CRX: variants seen among roughly 807,000 people sequenced by gnomAD.
CRX encodes the protein cone-rod homeobox protein.
In CRX, 5 loss-of-function variants were observed where a neutral mutation model predicts 13.1. That is an observed-to-expected ratio of 0.38 (90% CI 0.20 to 0.80). The LOEUF is 0.80. Among genes scored for constraint, CRX ranks in the 30% least tolerant of loss-of-function variants. The probability of loss-of-function intolerance (pLI) is 0.43; values close to 1 mark genes in which losing one functional copy is unlikely to be tolerated. For missense variants in CRX, 351 were observed against 391.8 expected (o/e 0.90, Z 0.88); for synonymous variants, 179 against 171.1 (o/e 1.05, Z -0.36).
At chr19:47,827,879 C>T (rs1265558140) in intron 1 of CRX, among the ~76,000 whole-genome samples, 11 of 105,654 alleles carry the variant, frequency 1.0e-4, no homozygotes, top group Admixed American at 6.0e-4. Context: ...AAAGGCAGGG[C>T]GTGGTGGCTC....
chr19:47,837,938 G>A (rs944134250), intron 3 of CRX, among the ~76,000 whole-genome samples: 5 of 146,010 alleles, frequency 3.4e-5, no homozygotes, highest in Non-Finnish European at 7.8e-5. Flanking sequence ...TATGGTGTAT[G>A]TATGTATAAT....
At chr19:47,838,455 TG>T (rs1182576296) in intron 3 of CRX, among the ~76,000 whole-genome samples, 1 of 152,156 alleles carries the variant, frequency 6.6e-6, no homozygotes, top group Admixed American at 6.5e-5. Flanking sequence ...GTACAATGTA[TG>T]TATGTATAAT....
At chr19:47,827,270 C>T (rs1967984553) in intron 1 of CRX, among the ~76,000 whole-genome samples, 1 of 152,122 alleles carries the variant, frequency 6.6e-6, no homozygotes, top group African/African-American at 2.4e-5. Context: ...TTCTGCTTTT[C>T]TCCATGATCA....
intron 1 of CRX, among the ~76,000 whole-genome samples, chr19:47,823,328 G>C (rs1034965279): frequency 2.6e-5 from 4 of 152,220 alleles, no homozygotes; most frequent in African/African-American, 7.2e-5. Context: ...TTTCCCAAAA[G>C]GAACGAGCGA....
chr19:47,830,075 T>C (rs933446610), intron 1 of CRX, among the ~76,000 whole-genome samples: 7 of 149,734 alleles, frequency 4.7e-5, no homozygotes, highest in African/African-American at 1.7e-4. Context: ...TAAATATATA[T>C]GGTTTGGTCA....
At chr19:47,831,798 A>G (rs1968049774) in intron 1 of CRX, among the ~76,000 whole-genome samples, 1 of 152,098 alleles carries the variant, frequency 6.6e-6, no homozygotes, top group South Asian at 2.1e-4. Context: ...GCTGGAGTGC[A>G]GTGGCACGAT....
intron 2 of CRX, 61 bp downstream of exon 2, chr19:47,834,604 G>T: frequency 7.2e-7 from 1 of 1,398,352 alleles, no homozygotes; most frequent in East Asian, 2.3e-5. Context: ...GGACCTCTGG[G>T]GTCCCTTTGC....
In CRX at chr19:47,835,410, G is replaced by A. The variant is rs1000604732; in HGVS notation, c.101-833G>A. 2.7e-5 allele frequency among the ~76,000 whole-genome samples: 4 copies of A among 150,592 alleles called. No homozygotes were observed. In the East Asian group the frequency reaches 5.9e-4, roughly 22 times the overall value. The stretch of plus-strand genomic sequence containing the variant: ...TTTTCTTTCGAGACACAGTTTAGAC[G>A]GAGTTTCGCTCCTGCCCAGGCTGGA... On this transcript the variant is annotated intron_variant, in intron 2 of 3. Coordinates refer to ENST00000221996, the MANE Select transcript of CRX (RefSeq NM_000554.6).
Position 47,839,653 on chromosome 19 carries a change from G to T in CRX, c.586G>T (p.Ala196Ser), listed in dbSNP as rs1038108316. The change falls in exon 4 of 4, where the codon GCC becomes TCC. Residue 196 changes from alanine (A) to serine (S), a missense_variant. Around this residue, in one of 3 missense-constraint regions of CRX, gnomAD observed 253 missense variants for 268.3 expected, o/e 0.94. Coordinates refer to ENST00000221996, the MANE Select transcript of CRX (RefSeq NM_000554.6). This position sits in a 1 kb window ranked among gnomAD's most constrained non-coding sequence, Gnocchi z 4.6. The part of the protein sequence containing the change: ...LTSAPYAMTY[A>S]PASAFCSSPS... Reference sequence around the variant, plus strand: ...CTCCGCCCCCTATGCCATGACCTACGCCCCGGCCTCCGCTTTCTGCTCTTC... The same window carrying T: ...CTCCGCCCCCTATGCCATGACCTACTCCCCGGCCTCCGCTTTCTGCTCTTC... 2.5e-6 allele frequency: 4 copies of T among 1,613,274 alleles called. No homozygotes were observed. Among genetic ancestry groups the T allele is most frequent in the Non-Finnish European group, 3.4e-6 (4 of 1,179,958 alleles).
At chr19:47,833,364 C>T (rs946982836) in intron 1 of CRX, among the ~76,000 whole-genome samples, 5 of 151,994 alleles carry the variant, frequency 3.3e-5, no homozygotes, top group Non-Finnish European at 5.9e-5. Flanking sequence ...TCACTGCAAC[C>T]TCTGCCTCCC....
rs1459957995 is a variant in CRX at position 47,834,431 on chromosome 19, G to A, written c.-13G>A. 6.2e-7 allele frequency: 1 copy of A among 1,608,966 alleles called. No homozygotes were observed. Among genetic ancestry groups the A allele is most frequent in the Non-Finnish European group, 8.5e-7 (1 of 1,175,322 alleles). ...CAGGCCCCCTGACTTGGGCCTCAGT[G>A]TCCCCGAAGATCATGATGGCGTATA... On this transcript the variant is annotated 5_prime_UTR_variant, in exon 2 of 4. Transcript: ENST00000221996.
At chr19:47,838,459 T>C (rs1243302246) in intron 3 of CRX, among the ~76,000 whole-genome samples, 2 of 152,144 alleles carry the variant, frequency 1.3e-5, no homozygotes, top group South Asian at 2.1e-4. Context: ...AATGTATGTA[T>C]GTATAATTGT....
chr19:47,835,961 A>G (rs1405626252), intron 2 of CRX, among the ~76,000 whole-genome samples: 1 of 152,154 alleles, frequency 6.6e-6, no homozygotes, highest in African/African-American at 2.4e-5. Flanking sequence ...GTTGAATGTC[A>G]GCAATGTCAT....
At position 47,840,099 on chromosome 19, in the gene CRX, G is replaced by A. The variant is rs886054548; in HGVS notation, c.*132G>A. ...GAACCAGCTGTCCTTCTGACAGCTCGGTGTTCAGCTTACAGAGACCACCCC... is the reference window on the plus strand; with the variant it reads ...GAACCAGCTGTCCTTCTGACAGCTCAGTGTTCAGCTTACAGAGACCACCCC... On this transcript the variant is annotated 3_prime_UTR_variant, in exon 4 of 4. Transcript: ENST00000221996. 2.1e-5 allele frequency: 23 copies of A among 1,072,930 alleles called. No individual in the cohort carries two copies. Among genetic ancestry groups the A allele is most frequent in the Middle Eastern group, 5.5e-4 (2 of 3,626 alleles). 66.5% of individuals were successfully genotyped at this position (1,072,930 alleles called of 1,614,324 possible).
intron 2 of CRX, among the ~76,000 whole-genome samples, chr19:47,834,867 C>T (rs1968097050): frequency 2.6e-5 from 4 of 152,108 alleles, no homozygotes; most frequent in African/African-American, 9.7e-5. Context: ...GGCTGGAGTG[C>T]AGTGGTGGTG....
chr19:47,830,310 T>TA (rs1182115521), intron 1 of CRX, among the ~76,000 whole-genome samples: 1 of 151,190 alleles, frequency 6.6e-6, no homozygotes, highest in African/African-American at 2.4e-5. Context: ...CCTTGTCTCT[T>TA]AAAAAACCCC....
At chr19:47,825,765 C>CAAAAAAAAAAAAAAAAA (rs774130693) in intron 1 of CRX, among the ~76,000 whole-genome samples, 5 of 143,490 alleles carry the variant, frequency 3.5e-5, no homozygotes, top group African/African-American at 1.0e-4. Flanking sequence ...ACTAAAAATA[C>CAAAAAAAAAAAAAAAAA]AAAAAAAAAA....
At chr19:47,838,959 G>T (rs1331168533) in intron 3 of CRX, among the ~76,000 whole-genome samples, 1 of 151,752 alleles carries the variant, frequency 6.6e-6, no homozygotes, top group African/African-American at 2.4e-5. Context: ...GTGCATGTTT[G>T]TATTAGATGG....
Position 47,839,263 on chromosome 19 carries a change from G to T in CRX, c.253-57G>T. 2.6e-6 allele frequency: 4 copies of T among 1,566,960 alleles called. No individual in the cohort carries two copies. Among genetic ancestry groups the T allele is most frequent in the Non-Finnish European group, 3.5e-6 (4 of 1,155,044 alleles). On this transcript the variant is annotated intron_variant, in intron 3 of 3. Transcript: ENST00000221996. The surrounding 1 kb of genome is among the most constrained non-coding windows in gnomAD (Gnocchi z 4.6). ...GTGTCCTCATCCCCGGGCACCCTGCGGCTCTCCTGGGCCTCTTCCCCACTT... is the reference window on the plus strand; with the variant it reads ...GTGTCCTCATCCCCGGGCACCCTGCTGCTCTCCTGGGCCTCTTCCCCACTT...
Sources: gnomAD v4.1 joint callset for allele counts (sites outside exome capture counted in the v4.1 genomes callset) on GRCh38, gnomAD v4.1.1 for gene constraint, gnomAD v4.1.1 regional missense constraint, Gnocchi (gnomAD v3.1) non-coding constraint, MANE v1.5 for transcripts, NCBI Gene and HGNC (gene_info 2026-07-23, HGNC 2026-07-21) for gene names.